Variants in DAPK2 observed in about 807,000 individuals in gnomAD.
DAPK2 encodes the protein death associated protein kinase 2.
In DAPK2, 35 loss-of-function variants were observed where a neutral mutation model predicts 44.1. The observed-to-expected ratio is 0.79, with a 90% CI of 0.61 to 1.05. The LOEUF (loss-of-function observed/expected upper bound fraction) is 1.05, where lower values mean the gene tolerates loss of function less well. Ranked by LOEUF, DAPK2 falls within the 50% of genes least tolerant of loss-of-function variation. DAPK2 has a pLI of 0.00. For missense variants in DAPK2, 453 were observed against 483.2 expected, an observed-to-expected ratio of 0.94 and a Z score of 0.59; for synonymous variants, 174 against 182.6, an observed-to-expected ratio of 0.95 and a Z score of 0.38.
At chr15:64,037,780 G>A (rs2141197649) in intron 1 of DAPK2, among the ~76,000 whole-genome samples, 1 of 152,290 alleles carries the variant, frequency 6.6e-6, no homozygotes, top group Non-Finnish European at 1.5e-5. Context: ...TGAGAGGCCT[G>A]GAAGAGAGGA....
In DAPK2 at chr15:63,980,864, C is replaced by A. The variant is rs563900776; in HGVS notation, c.314+2669G>T. 6.6e-6 allele frequency among the ~76,000 whole-genome samples: 1 copy of A among 152,058 alleles called. No individual in the cohort carries two copies. The highest frequency in any genetic ancestry group is 2.4e-5 in the African/African-American group (1 of 41,402). On this transcript the variant is annotated intron_variant, in intron 2 of 10. Coordinates refer to ENST00000261891, the Ensembl canonical transcript of DAPK2. This position sits in a 1 kb window ranked among gnomAD's most constrained non-coding sequence, Gnocchi z 4.3. ...CAACGCTTTGGGAGGCCAAGGCAGG[C>A]GGATCATCTAAGGTCAGGAGTTCGA...
intron 3 of DAPK2, chr15:63,942,128 G>A (rs2077326750): frequency 1.7e-5 from 14 of 800,836 alleles, no homozygotes; most frequent in African/African-American, 3.7e-5. Flanking sequence ...CCAGGACTAT[G>A]GAGCAGTAGG....
At chr15:63,961,674 C>G (rs952724794) in intron 3 of DAPK2, among the ~76,000 whole-genome samples, 3 of 152,230 alleles carry the variant, frequency 2.0e-5, no homozygotes, top group African/African-American at 7.2e-5. Context: ...TTGGCCCCCA[C>G]TCTCTTCTGG....
At chr15:63,983,591 C>T (rs761014070) in exon 2 of DAPK2, 3 of 1,614,238 alleles carry the variant, frequency 1.9e-6, no homozygotes, top group Middle Eastern at 1.6e-4. Context: ...AGCGTGATGA[C>T]ATTGTGGTGC....
In DAPK2 at chr15:63,959,413, G is replaced by T. The variant is rs533352032; in HGVS notation, c.453+12010C>A. On this transcript the variant is annotated intron_variant, in intron 3 of 10. Transcript: ENST00000261891. Reference sequence around the variant, plus strand: ...TATGTTGAATAGGAGTGGTGAGAGAGGGCATTCCTGTCTTGTGCCAGTTTT... The same window carrying T: ...TATGTTGAATAGGAGTGGTGAGAGATGGCATTCCTGTCTTGTGCCAGTTTT... 1.4e-3 allele frequency among the ~76,000 whole-genome samples: 215 copies of T among 152,284 alleles called. 2 individuals are homozygous for T. The highest frequency in any genetic ancestry group is 5.1e-3 in the African/African-American group (210 of 41,554).
At chr15:64,033,676 A>G (rs369296076) in intron 1 of DAPK2, among the ~76,000 whole-genome samples, 13 of 152,192 alleles carry the variant, frequency 8.5e-5, no homozygotes, top group South Asian at 4.1e-4. Flanking sequence ...TGGGAGGCCG[A>G]GGCGGGTGGA....
At chr15:64,000,297 C>T (rs8029082) in intron 1 of DAPK2, among the ~76,000 whole-genome samples, 6,025 of 152,172 alleles carry the variant, frequency 0.04, 363 homozygotes, top group African/African-American at 0.13. Flanking sequence ...CACAGCATCC[C>T]GCTTTTACTG....
intron 4 of DAPK2, among the ~76,000 whole-genome samples, chr15:63,933,729 G>C (rs2077045753): frequency 6.6e-6 from 1 of 151,592 alleles, no homozygotes; most frequent in African/African-American, 2.4e-5. Context: ...CTCCCAAGTA[G>C]CTGGGACCAC....
At chr15:63,957,312 G>A (rs926130528) in intron 3 of DAPK2, among the ~76,000 whole-genome samples, 1 of 151,840 alleles carries the variant, frequency 6.6e-6, no homozygotes, top group Non-Finnish European at 1.5e-5. Flanking sequence ...TGCCTTTGTA[G>A]GTGAAATGCA....
At chr15:63,942,129 G>A (rs2077326828) in intron 3 of DAPK2, 1 of 807,040 alleles carries the variant, frequency 1.2e-6, no homozygotes, top group Non-Finnish European at 1.5e-6. Context: ...CAGGACTATG[G>A]AGCAGTAGGG....
intron 1 of DAPK2, among the ~76,000 whole-genome samples, chr15:64,026,676 T>G (rs332275): frequency 0.039 from 5,913 of 152,236 alleles, 363 homozygotes; most frequent in African/African-American, 0.13. Flanking sequence ...CTCAGAAAAC[T>G]TCCTGAGAAA....
Position 64,016,476 on chromosome 15 carries a change from C to T in DAPK2, c.92+23694G>A, listed in dbSNP as rs558055627. ...TGTAAAGTGGGGTAAATAATCGCTGCCTTGCAAGGTTATTGTGACAGTTAG... is the reference window on the plus strand; with the variant it reads ...TGTAAAGTGGGGTAAATAATCGCTGTCTTGCAAGGTTATTGTGACAGTTAG... On this transcript the variant is annotated intron_variant, in intron 1 of 10. Coordinates refer to ENST00000261891, the Ensembl canonical transcript of DAPK2. Among the ~76,000 whole-genome samples the T allele has an allele frequency of 7.2e-5, 11 of 152,258 alleles. No individual in the cohort carries two copies. The South Asian group carries it at 2.3e-3, about 32-fold the overall frequency.
chr15:64,004,159 C>T (rs1473688243), intron 1 of DAPK2, among the ~76,000 whole-genome samples: 2 of 152,124 alleles, frequency 1.3e-5, no homozygotes, highest in Non-Finnish European at 2.9e-5. Context: ...CTTCATTTGT[C>T]ATAAATACCA....
chr15:63,991,747 C>G (rs560821552), intron 1 of DAPK2, among the ~76,000 whole-genome samples: 3 of 152,298 alleles, frequency 2.0e-5, no homozygotes, highest in African/African-American at 7.2e-5. Context: ...AAATGAAAAA[C>G]AGAACATGCA....
chr15:63,991,429 G>T, intron 1 of DAPK2: 1 of 426,268 alleles, frequency 2.3e-6, no homozygotes, highest in South Asian at 1.6e-5. Context: ...CGTTTCATGA[G>T]CCTGTTTCCC....
chr15:63,955,098 A>C, intron 3 of DAPK2, among the ~76,000 whole-genome samples: 1 of 152,226 alleles, frequency 6.6e-6, no homozygotes, highest in East Asian at 1.9e-4. Context: ...TCTGCAAACA[A>C]GGATAATTTT....
intron 3 of DAPK2, among the ~76,000 whole-genome samples, chr15:63,948,217 G>A (rs2077497482): frequency 7.7e-6 from 1 of 129,394 alleles, no homozygotes; most frequent in African/African-American, 2.8e-5. Flanking sequence ...GTTGCAGTGA[G>A]CGGAGATCAC....
At chr15:63,971,338 C>A in intron 3 of DAPK2, 85 bp downstream of exon 4, 1 of 1,532,354 alleles carries the variant, frequency 6.5e-7, no homozygotes, top group South Asian at 1.2e-5. Context: ...CTGGTCGGCA[C>A]TGGGCCCATC....
At chr15:63,979,605 T>TA (rs2078446606) in intron 2 of DAPK2, among the ~76,000 whole-genome samples, 1 of 152,118 alleles carries the variant, frequency 6.6e-6, no homozygotes, top group Non-Finnish European at 1.5e-5. Context: ...CAGGAGTCAC[T>TA]AAGTCTAAGC....
Sources: allele counts gnomAD v4.1 joint callset (sites outside exome capture counted in the v4.1 genomes callset), GRCh38; gene constraint gnomAD v4.1.1; non-coding constraint Gnocchi (gnomAD v3.1); transcripts MANE v1.5; gene names NCBI Gene and HGNC (gene_info 2026-07-23, HGNC 2026-07-21).